The following RCOR3 variants were observed in gnomAD, a reference collection of about 807,000 sequenced individuals.
The protein encoded by RCOR3 is REST corepressor 3.
Under a neutral mutation model 64.1 loss-of-function variants are expected in RCOR3, and 13 were observed. That is an observed-to-expected ratio of 0.20 (90% confidence interval 0.13 to 0.32). The LOEUF is 0.32. RCOR3 is among the 10% of genes least tolerant of loss of function. The pLI, the probability that RCOR3 is intolerant of heterozygous loss-of-function variation, is 1.00. For missense variants in RCOR3, 489 were observed against 701.2 expected (o/e 0.70, Z 3.42); for synonymous variants, 215 against 239.0 (o/e 0.90, Z 0.93).
At position 211,296,757 on chromosome 1, in the gene RCOR3, A is replaced by G. The variant is rs145834699; in HGVS notation, c.1017+1004A>G. 8.5e-3 allele frequency among the ~76,000 whole-genome samples: 1,298 copies of G among 152,286 alleles called. 10 individuals carry two copies. Among genetic ancestry groups the G allele is most frequent in the Middle Eastern group, 0.017 (5 of 294 alleles). The stretch of plus-strand genomic sequence containing the variant: ...TATCTCATTCCTTGACCACAGGTAG[A>G]CTGACAAACATTCTAGTAACAATTA... On this transcript the variant is annotated intron_variant, in intron 9 of 11. Transcript: ENST00000419091.
chr1:211,262,495 G>A (rs967644878), intron 2 of RCOR3, among the ~76,000 whole-genome samples: 16 of 152,072 alleles, frequency 1.1e-4, no homozygotes, highest in Non-Finnish European at 2.2e-4. Flanking sequence ...TTTTGGTAGT[G>A]ATAGTTATTT....
intron 7 of RCOR3, among the ~76,000 whole-genome samples, chr1:211,288,389 C>T (rs981370678): frequency 4.7e-5 from 7 of 147,784 alleles, no homozygotes; most frequent in African/African-American, 9.8e-5. Flanking sequence ...TTAACTCTTC[C>T]GAGACATAAA....
At chr1:211,270,152 C>T (rs1009009941) in intron 2 of RCOR3, among the ~76,000 whole-genome samples, 3 of 151,652 alleles carry the variant, frequency 2.0e-5, no homozygotes, top group Non-Finnish European at 2.9e-5. Context: ...CAACCTCTGC[C>T]TCCTGGGTTC....
At position 211,313,804 on chromosome 1, in the gene RCOR3, C is replaced by A; in HGVS notation, c.*36C>A. The A allele has an allele frequency of 6.5e-7, 1 of 1,538,832 alleles. No individual in the cohort carries two copies. Among genetic ancestry groups the A allele is most frequent in the Non-Finnish European group, 9.0e-7 (1 of 1,115,902 alleles). ...GGACACAGCTGCAGTAACTTTTCAC[C>A]CCATCATTATACCAGTGCTCATCTG... On this transcript the variant is annotated 3_prime_UTR_variant, in exon 12 of 12. Transcript: ENST00000419091. The surrounding 1 kb of genome is among the most constrained non-coding windows in gnomAD (Gnocchi z 4.7).
chr1:211,301,715 G>A (rs1222608324), intron 9 of RCOR3: 3 of 151,652 alleles, frequency 2.0e-5, no homozygotes, highest in Admixed American at 6.6e-5. Flanking sequence ...TTTTTCTCCC[G>A]TCTTGAAATT....
At chr1:211,300,641 A>G (rs777356443) in intron 9 of RCOR3, among the ~76,000 whole-genome samples, 1 of 152,140 alleles carries the variant, frequency 6.6e-6, no homozygotes, top group African/African-American at 2.4e-5. Flanking sequence ...CAATCTCATT[A>G]TTTTACTGTG....
rs1701664574 is a variant in RCOR3 at position 211,313,166 on chromosome 1, T to C, written c.1317+205T>C. The C allele has an allele frequency of 6.9e-7, 1 of 1,448,254 alleles. No individual in the cohort carries two copies. Among genetic ancestry groups the C allele is most frequent in the African/African-American group, 1.4e-5 (1 of 69,828 alleles). The allele number at this position is 1,448,254 out of a possible 1,614,324, so 89.7% of individuals were successfully genotyped here. A position where few individuals can be genotyped will look rare whatever the true frequency, so the allele number is the denominator to read the frequency against. On this transcript the variant is annotated intron_variant, in intron 11 of 11. Transcript: ENST00000419091. This position sits in a 1 kb window ranked among gnomAD's most constrained non-coding sequence, Gnocchi z 4.7. Reference sequence around the variant, plus strand: ...TTCTAGAAGAATGGAGAGTGTATTGTTCTTTCATAGTCTTATTTTTATTTT... The same window carrying C: ...TTCTAGAAGAATGGAGAGTGTATTGCTCTTTCATAGTCTTATTTTTATTTT...
chr1:211,294,600 T>G (rs1384957729), intron 8 of RCOR3, among the ~76,000 whole-genome samples: 1 of 143,576 alleles, frequency 7.0e-6, no homozygotes, highest in African/African-American at 2.5e-5. Context: ...TTTTTTTTTT[T>G]TTTTTTTGAG....
At chr1:211,303,406 T>C (rs916146027) in intron 9 of RCOR3, 3 of 152,216 alleles carry the variant, frequency 2.0e-5, no homozygotes, top group Non-Finnish European at 4.4e-5. Flanking sequence ...CCAACATGCC[T>C]CGGTATTACA....
intron 10 of RCOR3, among the ~76,000 whole-genome samples, chr1:211,305,828 A>G (rs932826651): frequency 6.6e-6 from 1 of 152,216 alleles, no homozygotes; most frequent in Non-Finnish European, 1.5e-5. Flanking sequence ...TTTGAACTAT[A>G]TATGTGGACA....
intron 2 of RCOR3, among the ~76,000 whole-genome samples, chr1:211,269,510 T>A (rs1457640024): frequency 6.6e-6 from 1 of 151,990 alleles, no homozygotes; most frequent in Non-Finnish European, 1.5e-5. Context: ...GGCAGGAGAA[T>A]CGCTTGAACC....
At chr1:211,305,501 G>A (rs1342575722) in intron 10 of RCOR3, among the ~76,000 whole-genome samples, 1 of 152,146 alleles carries the variant, frequency 6.6e-6, no homozygotes, top group African/African-American at 2.4e-5. Flanking sequence ...AATAGGCATT[G>A]CTTTTTATTC....
chr1:211,284,920 T>G (rs1402022855), intron 7 of RCOR3, among the ~76,000 whole-genome samples: 1 of 152,234 alleles, frequency 6.6e-6, no homozygotes, highest in Non-Finnish European at 1.5e-5. Context: ...GGCTCTCTAT[T>G]CTGCTTCTGT....
At chr1:211,276,883 G>A (rs1382033221) in intron 5 of RCOR3, among the ~76,000 whole-genome samples, 1 of 151,854 alleles carries the variant, frequency 6.6e-6, no homozygotes, top group African/African-American at 2.4e-5. Context: ...TCAGGAGATC[G>A]AGACCATCCT....
chr1:211,289,904 T>C (rs1255239959), intron 8 of RCOR3, among the ~76,000 whole-genome samples: 1 of 152,208 alleles, frequency 6.6e-6, no homozygotes, highest in Non-Finnish European at 1.5e-5. Context: ...ACCCTGGCTA[T>C]ACCATCTCTT....
chr1:211,270,499 A>G (rs1422199013), intron 2 of RCOR3, among the ~76,000 whole-genome samples: 1 of 152,124 alleles, frequency 6.6e-6, no homozygotes, highest in Non-Finnish European at 1.5e-5. Flanking sequence ...TAAAAAGCAG[A>G]CAAAAGTGTT....
intron 2 of RCOR3, among the ~76,000 whole-genome samples, chr1:211,263,039 C>T (rs1372688488): frequency 3.3e-4 from 38 of 113,858 alleles, no homozygotes; most frequent in African/African-American, 1.2e-3. Context: ...CACCCCACAA[C>T]AGTCCCCAGA....
chr1:211,259,874 GCACCCCCGC>G (rs1693885189), intron 1 of RCOR3, 148 bp downstream of exon 1: 1 of 1,093,012 alleles, frequency 9.1e-7, no homozygotes, highest in Admixed American at 3.3e-5. Flanking sequence ...CAGTGCAGCA[GCACCCCCGC>G]GACCCCCCGT....
At chr1:211,285,311 A>G (rs936916421) in intron 7 of RCOR3, among the ~76,000 whole-genome samples, 2 of 152,212 alleles carry the variant, frequency 1.3e-5, no homozygotes, top group Non-Finnish European at 2.9e-5. Context: ...TTTTTGACTC[A>G]TTCACATTGC....
Sources: gnomAD v4.1 joint callset for allele counts (sites outside exome capture counted in the v4.1 genomes callset) on GRCh38, gnomAD v4.1.1 for gene constraint, Gnocchi (gnomAD v3.1) non-coding constraint, MANE v1.5 for transcripts, NCBI Gene and HGNC (gene_info 2026-07-23, HGNC 2026-07-21) for gene names.